The following KLHL3 variants were observed in gnomAD, a reference collection of about 807,000 sequenced individuals.
KLHL3 encodes kelch-like protein 3.
In KLHL3, 19 loss-of-function variants were observed where a neutral mutation model predicts 70.5. The ratio of observed to expected loss-of-function variants is 0.27; its 90% CI spans 0.19 to 0.40. The LOEUF is 0.40. Ranked by LOEUF, KLHL3 falls within the 10% of genes least tolerant of loss-of-function variation. KLHL3 has a pLI of 1.00. For missense variants in KLHL3, 512 were observed against 771.1 expected (o/e 0.66, Z 3.98); for synonymous variants, 258 against 290.3 (o/e 0.89, Z 1.13).
intron 8 of KLHL3, among the ~76,000 whole-genome samples, chr5:137,649,239 C>T (rs1751137675): frequency 6.6e-6 from 1 of 152,220 alleles, no homozygotes; most frequent in Non-Finnish European, 1.5e-5. Flanking sequence ...GTGGGCTAGA[C>T]TTAGTGACTT....
At chr5:137,664,898 T>C (rs923869288) in intron 6 of KLHL3, among the ~76,000 whole-genome samples, 5 of 152,028 alleles carry the variant, frequency 3.3e-5, no homozygotes, top group African/African-American at 4.8e-5. Flanking sequence ...TTACATACTA[T>C]TTACATGGAG....
At chr5:137,711,518 T>G (rs551172561) in intron 2 of KLHL3, among the ~76,000 whole-genome samples, 139 of 152,340 alleles carry the variant, frequency 9.1e-4, no homozygotes, top group African/African-American at 3.1e-3. Flanking sequence ...AAAGTATCGT[T>G]AAGGAGGCTT....
intron 8 of KLHL3, among the ~76,000 whole-genome samples, chr5:137,653,444 T>C (rs1014940751): frequency 6.6e-6 from 1 of 152,080 alleles, no homozygotes; most frequent in Non-Finnish European, 1.5e-5. Flanking sequence ...ATGGGCAAAA[T>C]ATTTTAATAG....
intron 8 of KLHL3, among the ~76,000 whole-genome samples, chr5:137,650,156 T>C (rs1366460619): frequency 6.6e-6 from 1 of 152,138 alleles, no homozygotes; most frequent in Non-Finnish European, 1.5e-5. Flanking sequence ...AAAGTACAAA[T>C]TATTCTAAGT....
intron 6 of KLHL3, among the ~76,000 whole-genome samples, chr5:137,663,033 C>A (rs1018593842): frequency 1.3e-5 from 2 of 150,820 alleles, no homozygotes; most frequent in African/African-American, 2.4e-5. Flanking sequence ...ACAGTTATCC[C>A]TCAGTATCCT....
At chr5:137,641,518 C>T (rs1750914068) in intron 8 of KLHL3, among the ~76,000 whole-genome samples, 2 of 152,136 alleles carry the variant, frequency 1.3e-5, no homozygotes, top group South Asian at 4.1e-4. Context: ...ACAACTTTTG[C>T]CATTATGAAT....
intron 5 of KLHL3, among the ~76,000 whole-genome samples, chr5:137,685,242 T>C (rs1752133442): frequency 1.3e-5 from 2 of 152,216 alleles, no homozygotes; most frequent in Non-Finnish European, 2.9e-5. Flanking sequence ...AAATATTATG[T>C]ACAAGAATTC....
intron 5 of KLHL3, among the ~76,000 whole-genome samples, chr5:137,677,976 G>A (rs1449222964): frequency 6.6e-6 from 1 of 152,168 alleles, no homozygotes; most frequent in African/African-American, 2.4e-5. Flanking sequence ...ACTGGGACCT[G>A]CCTCCATAAT....
chr5:137,654,324 A>T (rs1231669326), intron 8 of KLHL3, among the ~76,000 whole-genome samples: 1 of 152,214 alleles, frequency 6.6e-6, no homozygotes, highest in Non-Finnish European at 1.5e-5. Context: ...TTTCTCAGGA[A>T]GCAGTTCGGT....
intron 3 of KLHL3, among the ~76,000 whole-genome samples, chr5:137,708,287 C>G (rs1752723611): frequency 6.6e-6 from 1 of 152,186 alleles, no homozygotes; most frequent in Admixed American, 6.5e-5. Context: ...GCACAAGTGC[C>G]AAGTCTCTCC....
chr5:137,719,655 G>A (rs901534818), intron 2 of KLHL3, among the ~76,000 whole-genome samples: 4 of 152,222 alleles, frequency 2.6e-5, no homozygotes, highest in African/African-American at 9.6e-5. Flanking sequence ...TTAGCTCAGA[G>A]AGGATGAGTA....
chr5:137,729,287 T>G (rs1031190917), intron 1 of KLHL3, among the ~76,000 whole-genome samples: 1 of 152,146 alleles, frequency 6.6e-6, no homozygotes, highest in African/African-American at 2.4e-5. Flanking sequence ...CATTAAAAAC[T>G]CTCAACAAAG....
intron 3 of KLHL3, among the ~76,000 whole-genome samples, chr5:137,705,837 C>T (rs1752674598): frequency 6.6e-6 from 1 of 152,178 alleles, no homozygotes; most frequent in Non-Finnish European, 1.5e-5. Context: ...GGGAAAATTG[C>T]TTCCCTTGGG....
chr5:137,695,451 T>C (rs1435756594), intron 4 of KLHL3, among the ~76,000 whole-genome samples: 3 of 152,264 alleles, frequency 2.0e-5, no homozygotes, highest in East Asian at 3.9e-4. Context: ...TTCTTCCTTC[T>C]ACTTGCTTCA....
chr5:137,647,437 C>T, intron 8 of KLHL3: 2 of 360,994 alleles, frequency 5.5e-6, no homozygotes, highest in Non-Finnish European at 5.8e-6. Flanking sequence ...GCCCTGGCCT[C>T]AGGACTACAT....
intron 11 of KLHL3, among the ~76,000 whole-genome samples, chr5:137,636,691 A>G (rs1012557708): frequency 2.6e-5 from 4 of 152,186 alleles, no homozygotes; most frequent in African/African-American, 9.7e-5. Context: ...TTTGCAAACA[A>G]AACAAGAGAC....
chr5:137,639,471 G>C lies in KLHL3; in HGVS notation c.1022-321C>G, dbSNP rs1162855660. 4.6e-5 allele frequency among the ~76,000 whole-genome samples: 7 copies of C among 152,026 alleles called. No individual in the cohort carries two copies. Among genetic ancestry groups the C allele is most frequent in the Admixed American group, 4.6e-4 (7 of 15,258 alleles). ...GTACCTTGGGAAGCCAAGGCAGGTG[G>C]ATCACCTGAGGTCAGGAGTTCAAGA... On this transcript the variant is annotated intron_variant, in intron 9 of 14. Transcript: ENST00000309755. This position sits in a 1 kb window ranked among gnomAD's most constrained non-coding sequence, Gnocchi z 5.0.
At chr5:137,633,900 C>A in intron 12 of KLHL3, 137 bp downstream of exon 12, 1 of 1,163,272 alleles carries the variant, frequency 8.6e-7, no homozygotes. Context: ...ACTAGAAGCC[C>A]AAACTCGACC....
intron 8 of KLHL3, among the ~76,000 whole-genome samples, chr5:137,646,498 T>G (rs1751049595): frequency 6.6e-6 from 1 of 152,190 alleles, no homozygotes; most frequent in Admixed American, 6.5e-5. Context: ...GATAGTTGTT[T>G]CCATGGATAC....
Sources: allele counts gnomAD v4.1 joint callset (sites outside exome capture counted in the v4.1 genomes callset), GRCh38; gene constraint gnomAD v4.1.1; non-coding constraint Gnocchi (gnomAD v3.1); transcripts MANE v1.5; gene names NCBI Gene and HGNC (gene_info 2026-07-23, HGNC 2026-07-21).